Variants in CRB1 observed in about 807,000 individuals in gnomAD.
CRB1 encodes protein crumbs homolog 1.
A neutral mutation model predicts 120.0 loss-of-function variants in CRB1; 83 were observed. That is an observed-to-expected ratio of 0.69 (90% CI 0.58 to 0.83). The LOEUF (loss-of-function observed/expected upper bound fraction) is 0.83. Among genes scored for constraint, CRB1 ranks in the 40% least tolerant of loss-of-function variants. The pLI is 0.00. For missense variants in CRB1, 1,699 were observed against 1,687.6 expected (o/e 1.01, Z -0.12); for synonymous variants, 625 against 612.5 (o/e 1.02, Z -0.30).
At chr1:197,255,996 T>TATATATATACAC in the CRB1 span, among the ~76,000 whole-genome samples, 12 of 116,706 alleles carry the variant, frequency 1.0e-4, no homozygotes, top group East Asian at 1.6e-3. Flanking sequence ...TATATATATA[T>TATATATATACAC]ACACTACAAT....
intron 10 of CRB1, chr1:197,438,910 T>G: frequency 4.7e-6 from 2 of 428,864 alleles, no homozygotes; most frequent in East Asian, 4.9e-5. Flanking sequence ...TTTTAAAAAA[T>G]GTATAATGTG....
Position 197,365,428 on chromosome 1 carries a change from C to T in CRB1, c.1171+8415C>T, listed in dbSNP as rs188569370. Reference sequence around the variant, plus strand: ...TCACAACTGCTAAGGAAGGAAAACACTTCACATAACAGGCCATTGTGGTAG... The same window carrying T: ...TCACAACTGCTAAGGAAGGAAAACATTTCACATAACAGGCCATTGTGGTAG... On this transcript the variant is annotated intron_variant, in intron 5 of 11. Coordinates refer to ENST00000367400, the MANE Select transcript of CRB1 (RefSeq NM_201253.3). 1.4e-3 allele frequency among the ~76,000 whole-genome samples: 220 copies of T among 152,172 alleles called. 5 individuals are homozygous for T. Among genetic ancestry groups the T allele is most frequent in the Non-Finnish European group, 2.8e-4 (19 of 68,012 alleles).
chr1:197,266,169 A>G (rs908545417), upstream of CRB1, among the ~76,000 whole-genome samples: 2 of 152,034 alleles, frequency 1.3e-5, no homozygotes, highest in African/African-American at 4.8e-5. Flanking sequence ...TATTTGTTAT[A>G]CCTTTAGTTT....
rs1553252117 is a variant in CRB1 at position 197,351,382 on chromosome 1, A to AG, written c.988+3903_988+3904insG. Among the ~76,000 whole-genome samples the AG allele has an allele frequency of 5.2e-3, 716 of 138,958 alleles. 26 individuals carry two copies. Among genetic ancestry groups the AG allele is most frequent in the Non-Finnish European group, 7.8e-3 (511 of 65,270 alleles). 91.2% of individuals were successfully genotyped at this position (138,958 alleles called of 152,430 possible). ...GACTTGGCAAAAAAAAAAAAAAAAA[A>AG]AAAAGGAGAAGAAAAGAAAAGAGAA... On this transcript the variant is annotated intron_variant, in intron 4 of 11. Transcript: ENST00000367400.
chr1:197,420,993 T>A lies in CRB1; in HGVS notation c.1172-7T>A. 1 of 1,489,372 alleles carries A rather than the reference T, an allele frequency of 6.7e-7. No individual in the cohort carries two copies. Among genetic ancestry groups the A allele is most frequent in the Non-Finnish European group, 9.4e-7 (1 of 1,066,416 alleles). The allele number at this position is 1,489,372 out of a possible 1,614,324, so 92.3% of individuals were successfully genotyped here. On this transcript the variant is annotated splice_polypyrimidine_tract_variant and splice_region_variant and intron_variant, in intron 5 of 11. Transcript: ENST00000367400. ...TATAATTTTAGCCCTTTTTTATTATTTAACAGGAATCCACTGCGAAGAAGA... is the reference window on the plus strand; with the variant it reads ...TATAATTTTAGCCCTTTTTTATTATATAACAGGAATCCACTGCGAAGAAGA...
In CRB1 at chr1:197,477,852, A is replaced by G; in HGVS notation, c.4194A>G (p.Pro1398=). 12 of 1,613,660 alleles carry G rather than the reference A, an allele frequency of 7.4e-6. No individual in the cohort carries two copies. Among genetic ancestry groups the G allele is most frequent in the Non-Finnish European group, 1.0e-5 (12 of 1,179,802 alleles). ...GSRVEMWNLM[P]PPAMERLI Reference sequence around the variant, plus strand: ...GAGTGGAAATGTGGAACTTGATGCCACCCCCTGCAATGGAGAGACTGATTT... The same window carrying G: ...GAGTGGAAATGTGGAACTTGATGCCGCCCCCTGCAATGGAGAGACTGATTT... Residue 1398 remains proline, a synonymous_variant, in exon 12 of 12, where the codon CCA becomes CCG. Coordinates refer to ENST00000367400, the MANE Select transcript of CRB1 (RefSeq NM_201253.3).
intron 5 of CRB1, among the ~76,000 whole-genome samples, chr1:197,367,210 TTC>T (rs1386276380): frequency 2.0e-5 from 3 of 152,192 alleles, no homozygotes; most frequent in Non-Finnish European, 2.9e-5. Context: ...CTTCTTTGTA[TTC>T]TGTTTGAGCT....
At chr1:197,284,455 G>A (rs1208341741) in intron 1 of CRB1, among the ~76,000 whole-genome samples, 1 of 151,856 alleles carries the variant, frequency 6.6e-6, no homozygotes, top group African/African-American at 2.4e-5. Context: ...ATCTAATCAG[G>A]TTTATGTGAT....
At chr1:197,429,072 T>A in intron 7 of CRB1, 1 of 1,501,092 alleles carries the variant, frequency 6.7e-7, no homozygotes, top group Non-Finnish European at 9.0e-7. Flanking sequence ...CTTGGGCAAC[T>A]GGAAACACCT....
chr1:197,233,207 G>A, the CRB1 span, among the ~76,000 whole-genome samples: 15 of 152,130 alleles, frequency 9.9e-5, no homozygotes, highest in African/African-American at 3.4e-4. Flanking sequence ...TGCAGAATTG[G>A]TGATACTATA....
intron 5 of CRB1, among the ~76,000 whole-genome samples, chr1:197,387,131 G>A (rs988913082): frequency 6.6e-6 from 1 of 151,860 alleles, no homozygotes; most frequent in African/African-American, 2.4e-5. Context: ...TTTTGAGACA[G>A]TCTCTCTGTT....
At chr1:197,442,614 T>A in intron 11 of CRB1, 1 of 1,171,804 alleles carries the variant, frequency 8.5e-7, no homozygotes, top group Non-Finnish European at 1.1e-6. Context: ...ACTTTAAATA[T>A]GAAAAAAGTG....
intron 11 of CRB1, among the ~76,000 whole-genome samples, chr1:197,453,811 A>T (rs1210868667): frequency 3.1e-5 from 1 of 32,232 alleles, no homozygotes; most frequent in African/African-American, 5.7e-5. Context: ...ATAATAATAT[A>T]TTGTTAATTA....
chr1:197,346,324 G>A (rs942256113), intron 3 of CRB1, among the ~76,000 whole-genome samples: 1 of 151,832 alleles, frequency 6.6e-6, no homozygotes, highest in Non-Finnish European at 1.5e-5. Context: ...CATACCAAAG[G>A]AATTATGCAA....
At position 197,353,563 on chromosome 1, in the gene CRB1, G is replaced by A. The variant is rs577771509; in HGVS notation, c.989-3268G>A. Among the ~76,000 whole-genome samples the A allele has an allele frequency of 1.7e-3, 263 of 152,272 alleles. 1 individual carries two copies. Among genetic ancestry groups the A allele is most frequent in the Middle Eastern group, 6.8e-3 (2 of 294 alleles). ...CGCCTGTAATCCTAGCACTTTGGGA[G>A]GCCGAGGCGCGTGGATCACCTAAGG... On this transcript the variant is annotated intron_variant, in intron 4 of 11. Transcript: ENST00000367400.
chr1:197,379,161 G>A (rs751605671), intron 5 of CRB1, among the ~76,000 whole-genome samples: 10 of 152,146 alleles, frequency 6.6e-5, no homozygotes, highest in Non-Finnish European at 1.2e-4. Context: ...AACCAAAGAT[G>A]TACGTAAAAT....
chr1:197,202,898 A>C, the CRB1 span, among the ~76,000 whole-genome samples: 2 of 152,124 alleles, frequency 1.3e-5, no homozygotes, highest in African/African-American at 4.8e-5. Context: ...CAGGAAATGA[A>C]CATTATAGGT....
chr1:197,321,303 G>A (rs1379920064), intron 1 of CRB1, among the ~76,000 whole-genome samples: 3 of 152,218 alleles, frequency 2.0e-5, no homozygotes, highest in Admixed American at 6.5e-5. Context: ...CAATGGCATT[G>A]TAGTTGTTGT....
chr1:197,435,329 G>C lies in CRB1; in HGVS notation c.3466G>C (p.Asp1156His). ...CTGTTTGCATGGAGGAAACTGTGAA[G>C]ACATCTATAGCTCTTATCATTGCTC... ...NPCLHGGNCE[D>H]IYSSYHCSCP... Residue 1156 changes from aspartate to histidine, a missense_variant, in exon 9 of 12, where the codon GAC (aspartate) becomes CAC (histidine). Transcript: ENST00000367400. The C allele has an allele frequency of 3.1e-6, 5 of 1,613,758 alleles. No individual in the cohort carries two copies. Among genetic ancestry groups the C allele is most frequent in the Non-Finnish European group, 4.2e-6 (5 of 1,179,816 alleles).
Sources: gnomAD v4.1 joint callset for allele counts (sites outside exome capture counted in the v4.1 genomes callset) on GRCh38, gnomAD v4.1.1 for gene constraint, MANE v1.5 for transcripts, NCBI Gene and HGNC (gene_info 2026-07-23, HGNC 2026-07-21) for gene names.